MTRR: variants seen among roughly 807,000 people sequenced by gnomAD.
The protein encoded by MTRR is methionine synthase reductase.
Under a neutral mutation model 79.2 loss-of-function variants are expected in MTRR, and 63 were observed. That is an observed-to-expected ratio of 0.80 (90% CI 0.65 to 0.98). The LOEUF is 0.98. Among genes scored for constraint, MTRR ranks in the 50% least tolerant of loss-of-function variants. MTRR has a pLI of 0.00. For missense variants in MTRR, 895 were observed against 839.6 expected, an observed-to-expected ratio of 1.07 and a Z score of -0.82; for synonymous variants, 355 against 313.3, an observed-to-expected ratio of 1.13 and a Z score of -1.41.
chr5:7,876,746 C>G (rs1019630833), intron 4 of MTRR, among the ~76,000 whole-genome samples: 1 of 152,156 alleles, frequency 6.6e-6, no homozygotes, highest in Non-Finnish European at 1.5e-5. Context: ...GTTTTTGCCT[C>G]TGTGCAATAG....
intron 3 of MTRR, among the ~76,000 whole-genome samples, chr5:7,874,388 AT>A (rs138453568): frequency 8.0e-5 from 12 of 150,374 alleles, no homozygotes; most frequent in East Asian, 3.9e-4. Context: ...AGTATTTATA[AT>A]TTTTTTTTTA....
intron 12 of MTRR, chr5:7,896,566 T>C (rs1367989017): frequency 2.3e-6 from 1 of 442,666 alleles, no homozygotes; most frequent in Non-Finnish European, 4.1e-6. Context: ...ATAAAATTGC[T>C]ATTAATGTTA....
chr5:7,872,871 C>G (rs1414112049), intron 2 of MTRR, among the ~76,000 whole-genome samples: 1 of 152,096 alleles, frequency 6.6e-6, no homozygotes, highest in Non-Finnish European at 1.5e-5. Context: ...ACGTTTCCAC[C>G]CAGTTAGCTG....
intron 9 of MTRR, among the ~76,000 whole-genome samples, chr5:7,889,777 G>A (rs527309605): frequency 6.6e-6 from 1 of 152,190 alleles, no homozygotes; most frequent in African/African-American, 2.4e-5. Flanking sequence ...AGTCCAGATC[G>A]AGGGTCCTTC....
At chr5:7,851,783 C>G (rs1217057810) in intron 1 of MTRR, among the ~76,000 whole-genome samples, 5 of 152,084 alleles carry the variant, frequency 3.3e-5, no homozygotes, top group Non-Finnish European at 7.3e-5. Flanking sequence ...GGCCCTTGAT[C>G]TGAATGCTGG....
At chr5:7,861,288 T>C in intron 1 of MTRR, 1 of 1,319,182 alleles carries the variant, frequency 7.6e-7, no homozygotes, top group Non-Finnish European at 1.0e-6. Flanking sequence ...AGGAGAAAAA[T>C]ACTTAATTTT....
chr5:7,874,790 T>C (rs184919088), intron 3 of MTRR, among the ~76,000 whole-genome samples: 3 of 152,286 alleles, frequency 2.0e-5, no homozygotes, highest in Admixed American at 6.5e-5. Flanking sequence ...GCTGCTGTTA[T>C]GAATAATATG....
intron 8 of MTRR, among the ~76,000 whole-genome samples, chr5:7,887,777 TG>T (rs1736764616): frequency 1.2e-5 from 1 of 84,438 alleles, no homozygotes; most frequent in Non-Finnish European, 2.5e-5. Flanking sequence ...TGTATATATT[TG>T]TGTGTGTGTG....
chr5:7,861,306 A>G (rs1275148951), intron 1 of MTRR: 1 of 1,129,030 alleles, frequency 8.9e-7, no homozygotes, highest in Non-Finnish European at 1.2e-6. Flanking sequence ...TTTTTAAATA[A>G]TCCAAAATAT....
chr5:7,896,157 C>G (rs901127031), intron 12 of MTRR, among the ~76,000 whole-genome samples: 4 of 152,214 alleles, frequency 2.6e-5, no homozygotes, highest in Admixed American at 2.6e-4. Context: ...TGATATACAG[C>G]TGTTGTATCT....
chr5:7,862,436 G>C (rs1746618427), intron 2 of MTRR, among the ~76,000 whole-genome samples: 1 of 152,166 alleles, frequency 6.6e-6, no homozygotes. Context: ...ACATGGTCTA[G>C]TGGCTACTAT....
chr5:7,868,200 GA>G (rs34274545), upstream of MTRR: 26,050 of 220,264 alleles, frequency 0.12, 1,483 homozygotes, highest in Non-Finnish European at 0.14. Flanking sequence ...CGAGTATCTG[GA>G]AAAAAAAAAA....
intron 6 of MTRR, among the ~76,000 whole-genome samples, chr5:7,884,912 G>A (rs1232743570): frequency 6.6e-6 from 1 of 152,158 alleles, no homozygotes; most frequent in Non-Finnish European, 1.5e-5. Context: ...AGATGGTTTT[G>A]CATCCATAAA....
upstream of MTRR, chr5:7,851,152 G>GA (rs1329413327): frequency 4.6e-5 from 52 of 1,134,832 alleles, no homozygotes; most frequent in Non-Finnish European, 5.8e-5. Context: ...TCGTTGCCTG[G>GA]AAACCGCCGC....
intron 2 of MTRR, among the ~76,000 whole-genome samples, chr5:7,863,730 T>C (rs1746715037): frequency 6.6e-6 from 1 of 152,204 alleles, no homozygotes; most frequent in African/African-American, 2.4e-5. Flanking sequence ...TAAATTAAAC[T>C]TCTGTCATCC....
At chr5:7,872,378 A>G (rs761884585) in intron 2 of MTRR, 1 of 343,986 alleles carries the variant, frequency 2.9e-6, no homozygotes, top group African/African-American at 2.2e-5. Context: ...CTTGATTTGT[A>G]AGAGTTTATA....
chr5:7,895,973 T>C, intron 12 of MTRR, 121 bp downstream of exon 12: 8 of 1,249,908 alleles, frequency 6.4e-6, no homozygotes, highest in Middle Eastern at 2.4e-4. Flanking sequence ...TTATTCAATG[T>C]GCGATAACAT....
intron 1 of MTRR, among the ~76,000 whole-genome samples, chr5:7,858,094 C>T (rs1746305999): frequency 6.6e-6 from 1 of 152,110 alleles, no homozygotes; most frequent in Non-Finnish European, 1.5e-5. Flanking sequence ...TTGAGTTTCG[C>T]ACCAAAAATT....
chr5:7,866,037 G>T, upstream of MTRR: 1 of 1,322,580 alleles, frequency 7.6e-7, no homozygotes, highest in Admixed American at 1.7e-5. Flanking sequence ...GTATGTATGA[G>T]AGAACATCAT....
Sources: allele counts gnomAD v4.1 joint callset (sites outside exome capture counted in the v4.1 genomes callset), GRCh38; gene constraint gnomAD v4.1.1; transcripts MANE v1.5; gene names NCBI Gene and HGNC (gene_info 2026-07-23, HGNC 2026-07-21).